The following GFPT2 variants were observed in gnomAD, a reference collection of about 807,000 sequenced individuals.
GFPT2 encodes the protein glutamine--fructose-6-phosphate transaminase 2, also known as glutamine--fructose-6-phosphate aminotransferase [isomerizing] 2.
A neutral mutation model predicts 85.6 loss-of-function variants in GFPT2; 62 were observed. The observed-to-expected ratio is 0.72, with a 90% CI of 0.59 to 0.90. GFPT2 has a LOEUF of 0.90. GFPT2 is among the 40% of genes least tolerant of loss of function. GFPT2 has a pLI of 0.00. For synonymous variants in GFPT2, 368 were observed against 344.5 expected (o/e 1.07, Z -0.75); for missense variants, 788 against 893.4 (o/e 0.88, Z 1.50).
chr5:180,324,771 C>A (rs376223311), intron 8 of GFPT2, 45 bp downstream of exon 8: 19 of 1,268,726 alleles, frequency 1.5e-5, no homozygotes, highest in Admixed American at 1.0e-4. Flanking sequence ...CCGAGTCCTG[C>A]GACACCAGCA....
intron 1 of GFPT2, among the ~76,000 whole-genome samples, chr5:180,339,417 A>G (rs1764466854): frequency 6.6e-6 from 1 of 150,946 alleles, no homozygotes; most frequent in Non-Finnish European, 1.5e-5. Flanking sequence ...CTTTTATGAC[A>G]GCAAGAATAA....
chr5:180,351,273 T>C (rs1171604407), intron 1 of GFPT2, among the ~76,000 whole-genome samples: 3 of 152,214 alleles, frequency 2.0e-5, no homozygotes, highest in Non-Finnish European at 4.4e-5. Flanking sequence ...GCTTCCCCTC[T>C]GCACAGGATA....
chr5:180,319,438 C>T (rs956517450), intron 9 of GFPT2, among the ~76,000 whole-genome samples: 2 of 152,078 alleles, frequency 1.3e-5, no homozygotes, highest in African/African-American at 2.4e-5. Context: ...GCATTTATCT[C>T]GCCTTTCTAA....
rs969196924 is a variant in GFPT2 at position 180,328,585 on chromosome 5, G to A, written c.535-247C>T. Among the ~76,000 whole-genome samples, 1 of 152,232 alleles carries A rather than the reference G, an allele frequency of 6.6e-6. No individual in the cohort carries two copies. The highest frequency in any genetic ancestry group is 1.5e-5 in the Non-Finnish European group (1 of 68,038). On this transcript the variant is annotated intron_variant, in intron 6 of 18. Transcript: ENST00000253778. The surrounding 1 kb of genome is among the most constrained non-coding windows in gnomAD (Gnocchi z 5.4). ...GGTGAGCGATGTGCGGCTTGCCCAG[G>A]CCCACAGGGAGCCCGGCAGGGGTGC...
chr5:180,338,573 ACT>A lies in GFPT2; in HGVS notation c.33_34del (p.Arg11SerfsTer35). Reference sequence around the variant, plus strand: ...GAAGATCTCCTTCCTCGTCCGGGGGACTCTGTAGTTCATGTAGGCAAAGATTC... The same window carrying A: ...GAAGATCTCCTTCCTCGTCCGGGGGACTGTAGTTCATGTAGGCAAAGATTC... On this transcript the variant is annotated frameshift_variant, in exon 2 of 19. Transcript: ENST00000253778. LOFTEE classifies it high-confidence loss of function. 6.2e-7 allele frequency: 1 copy of A among 1,608,912 alleles called. No homozygotes were observed. The highest frequency in any genetic ancestry group is 8.5e-7 in the Non-Finnish European group (1 of 1,175,452).
intron 16 of GFPT2, among the ~76,000 whole-genome samples, chr5:180,305,266 AC>A (rs1240700719): frequency 6.6e-6 from 1 of 151,846 alleles, no homozygotes; most frequent in Non-Finnish European, 1.5e-5. Context: ...AGCCTAGCTC[AC>A]CCCCTGCTCC....
intron 1 of GFPT2, among the ~76,000 whole-genome samples, chr5:180,339,140 G>A (rs1277615013): frequency 1.3e-5 from 2 of 152,126 alleles, no homozygotes; most frequent in Non-Finnish European, 2.9e-5. Context: ...AGCCCTTTGG[G>A]AGGCCGAGGT....
Position 180,301,460 on chromosome 5 carries a change from A to G in GFPT2, c.*104T>C. The stretch of plus-strand genomic sequence containing the variant: ...GCTGTCAAGCTCTACAGGAGCACGC[A>G]GAACATGTGGGATGTCCACTTCTCT... On this transcript the variant is annotated 3_prime_UTR_variant, in exon 19 of 19. Coordinates refer to ENST00000253778, the MANE Select transcript of GFPT2 (RefSeq NM_005110.4). 1 of 1,008,408 alleles carries G rather than the reference A, an allele frequency of 9.9e-7. No homozygotes were observed. Among genetic ancestry groups the G allele is most frequent in the Admixed American group, 1.7e-5 (1 of 57,182 alleles). 62.5% of individuals were successfully genotyped at this position (1,008,408 alleles called of 1,614,324 possible). A position where few individuals can be genotyped will look rare whatever the true frequency, so the allele number is the denominator to read the frequency against.
At chr5:180,329,163 C>A (rs942596911) in intron 6 of GFPT2, among the ~76,000 whole-genome samples, 14 of 152,204 alleles carry the variant, frequency 9.2e-5, no homozygotes, top group South Asian at 2.1e-4. Context: ...TGAATTTCCA[C>A]AAGAAATCCT....
At chr5:180,352,273 C>A in intron 1 of GFPT2, 1 of 378,152 alleles carries the variant, frequency 2.6e-6, no homozygotes, top group South Asian at 2.0e-5. Flanking sequence ...CCTTTCATGG[C>A]TTCGAAAGTT....
chr5:180,315,413 C>G (rs946245849), intron 13 of GFPT2, among the ~76,000 whole-genome samples: 1 of 152,164 alleles, frequency 6.6e-6, no homozygotes, highest in Non-Finnish European at 1.5e-5. Flanking sequence ...CTCCTGACCT[C>G]GTGATCCGCC....
chr5:180,340,981 A>G (rs1764504696), intron 1 of GFPT2, among the ~76,000 whole-genome samples: 1 of 152,126 alleles, frequency 6.6e-6, no homozygotes, highest in Admixed American at 6.5e-5. Flanking sequence ...GACTCGCCTC[A>G]CTGAGAAGTC....
rs369486328 is a variant in GFPT2 at position 180,349,004 on chromosome 5, T to G, written c.7+4207A>C. ...ATCCACCCACCTCGGCCTCCCAAAG[T>G]GCTGGGATTACAGGTGTGAGTCCCC... On this transcript the variant is annotated intron_variant, in intron 1 of 18. Transcript: ENST00000253778. Among the ~76,000 whole-genome samples, 18 of 151,476 alleles carry G rather than the reference T, an allele frequency of 1.2e-4. No individual in the cohort carries two copies. In the South Asian group the frequency reaches 2.6e-3, roughly 21 times the overall value.
chr5:180,325,232 G>A (rs577093464), intron 7 of GFPT2, among the ~76,000 whole-genome samples: 12 of 152,256 alleles, frequency 7.9e-5, no homozygotes, highest in African/African-American at 2.2e-4. Context: ...CAGCAGAGGA[G>A]GCGCTGGTGG....
rs1470227346 is a variant in GFPT2, at chr5:180,330,285, GCACTC to G, written c.534+410_534+414del. On this transcript the variant is annotated intron_variant, in intron 6 of 18. Coordinates refer to ENST00000253778, the MANE Select transcript of GFPT2 (RefSeq NM_005110.4). The surrounding 1 kb of genome is among the most constrained non-coding windows in gnomAD (Gnocchi z 4.4). ...TGCAGTGAGCCAAGATCACACCACT[GCACTC>G]CAGCCTGTGCAACAGAGTGAGACTC... 6.6e-5 allele frequency among the ~76,000 whole-genome samples: 10 copies of G among 152,110 alleles called. No individual in the cohort carries two copies. Among genetic ancestry groups the G allele is most frequent in the Admixed American group, 6.6e-4 (10 of 15,264 alleles).
chr5:180,329,372 C>CA (rs1322062764), intron 6 of GFPT2, among the ~76,000 whole-genome samples: 1 of 152,212 alleles, frequency 6.6e-6, no homozygotes, highest in Admixed American at 6.5e-5. Context: ...AATGGAAAAA[C>CA]ACTGCACGTT....
At chr5:180,342,603 C>G (rs558797983) in intron 1 of GFPT2, among the ~76,000 whole-genome samples, 3 of 151,494 alleles carry the variant, frequency 2.0e-5, no homozygotes, top group Non-Finnish European at 4.4e-5. Context: ...AACATTAACT[C>G]TTCTAAAAAC....
At chr5:180,304,510 C>G (rs923219206) in intron 17 of GFPT2, among the ~76,000 whole-genome samples, 1 of 152,228 alleles carries the variant, frequency 6.6e-6, no homozygotes, top group Non-Finnish European at 1.5e-5. Flanking sequence ...GAGTACCTCC[C>G]CTGAGCTCCA....
At chr5:180,308,659 T>C (rs1314258069) in intron 15 of GFPT2, among the ~76,000 whole-genome samples, 1 of 152,210 alleles carries the variant, frequency 6.6e-6, no homozygotes, top group Non-Finnish European at 1.5e-5. Flanking sequence ...CAATATAGAA[T>C]CTGAAATCCT....
Sources: gnomAD v4.1 joint callset for allele counts (sites outside exome capture counted in the v4.1 genomes callset) on GRCh38, gnomAD v4.1.1 for gene constraint, Gnocchi (gnomAD v3.1) non-coding constraint, MANE v1.5 for transcripts, NCBI Gene and HGNC (gene_info 2026-07-23, HGNC 2026-07-21) for gene names.